ZFHX3: variants seen among roughly 807,000 people sequenced by gnomAD.
ZFHX3 encodes the protein zinc finger homeobox protein 3.
Under a neutral mutation model 279.1 loss-of-function variants are expected in ZFHX3, and 42 were observed. The ratio of observed to expected loss-of-function variants is 0.15; its 90% CI spans 0.12 to 0.19. The LOEUF is 0.19. Among genes scored for constraint, ZFHX3 ranks in the 10% least tolerant of loss-of-function variants. The probability of loss-of-function intolerance (pLI) is 1.00; values close to 1 mark genes in which losing one functional copy is unlikely to be tolerated. For missense variants in ZFHX3, 4,981 were observed against 4,754.0 expected, an observed-to-expected ratio of 1.05 and a Z score of -1.40; for synonymous variants, 2,293 against 1,957.8, an observed-to-expected ratio of 1.17 and a Z score of -4.52.
At chr16:72,829,026 C>T (rs1444536737) in intron 5 of ZFHX3, among the ~76,000 whole-genome samples, 1 of 150,354 alleles carries the variant, frequency 6.7e-6, no homozygotes, top group Non-Finnish European at 1.5e-5. Flanking sequence ...GATAGAGTCT[C>T]ACTCTGTCGC....
At chr16:73,024,009 C>T (rs575351301) in intron 1 of ZFHX3, among the ~76,000 whole-genome samples, 1 of 152,290 alleles carries the variant, frequency 6.6e-6, no homozygotes, top group African/African-American at 2.4e-5. Context: ...AAACAAGGCA[C>T]GTGCAGTATT....
chr16:72,891,380 C>T (rs2038770214), intron 3 of ZFHX3, among the ~76,000 whole-genome samples: 1 of 152,182 alleles, frequency 6.6e-6, no homozygotes, highest in South Asian at 2.1e-4. Flanking sequence ...TGGCAGACCC[C>T]AGGCTTCTGT....
At chr16:72,976,932 A>G (rs1230149158) in intron 1 of ZFHX3, among the ~76,000 whole-genome samples, 1 of 152,204 alleles carries the variant, frequency 6.6e-6, no homozygotes, top group African/African-American at 2.4e-5. Context: ...TTCAGTCCAC[A>G]TGGGAGTCAC....
intron 1 of ZFHX3, among the ~76,000 whole-genome samples, chr16:73,865,812 T>C (rs1962001517): frequency 1.4e-5 from 2 of 146,952 alleles, no homozygotes; most frequent in Admixed American, 6.7e-5. Flanking sequence ...ACCCCATCCC[T>C]ACTAAAAATA....
At chr16:73,853,048 AT>A (rs1961628677) in intron 1 of ZFHX3, among the ~76,000 whole-genome samples, 1 of 152,224 alleles carries the variant, frequency 6.6e-6, no homozygotes, top group Admixed American at 6.5e-5. Context: ...AACAAGAAAC[AT>A]CAGTGGTCAA....
At chr16:73,047,566 T>G (rs1449075161) in intron 1 of ZFHX3, among the ~76,000 whole-genome samples, 186 bp downstream of exon 1, 1 of 152,110 alleles carries the variant, frequency 6.6e-6, no homozygotes, top group Non-Finnish European at 1.5e-5. Flanking sequence ...AGAGCTTTAC[T>G]GTGTGCCCAG....
chr16:73,491,282 T>C (rs1050123727), intron 2 of ZFHX3, among the ~76,000 whole-genome samples: 2 of 152,154 alleles, frequency 1.3e-5, no homozygotes, highest in Admixed American at 1.3e-4. Context: ...AGGACCTGGC[T>C]TTTACCTGTT....
chr16:73,603,297 GAAAGA>G (rs200805063), intron 2 of ZFHX3, among the ~76,000 whole-genome samples: 10 of 149,066 alleles, frequency 6.7e-5, no homozygotes, highest in Admixed American at 2.0e-4. Flanking sequence ...AAAAAAAAAA[GAAAGA>G]AAAGAAAAGA....
At chr16:73,511,548 T>C (rs2019429042) in intron 2 of ZFHX3, among the ~76,000 whole-genome samples, 1 of 152,142 alleles carries the variant, frequency 6.6e-6, no homozygotes. Flanking sequence ...AAATATGGAG[T>C]TGAATGACTT....
intron 1 of ZFHX3, among the ~76,000 whole-genome samples, chr16:73,790,737 A>G (rs915404676): frequency 3.3e-5 from 5 of 152,340 alleles, no homozygotes; most frequent in Non-Finnish European, 5.9e-5. Context: ...CATCCTAACC[A>G]TCATTAGATG....
chr16:73,790,955 C>T (rs1192239985), intron 1 of ZFHX3, among the ~76,000 whole-genome samples: 1 of 152,170 alleles, frequency 6.6e-6, no homozygotes, highest in East Asian at 1.9e-4. Context: ...ACCTTCCACT[C>T]CAACCTCAGG....
intron 4 of ZFHX3, among the ~76,000 whole-genome samples, chr16:73,313,344 T>A (rs575763317): frequency 2.0e-5 from 3 of 152,318 alleles, no homozygotes; most frequent in African/African-American, 7.2e-5. Flanking sequence ...AACAGACGAA[T>A]ACAGCCAGAT....
intron 1 of ZFHX3, among the ~76,000 whole-genome samples, chr16:73,053,584 T>C (rs1965489254): frequency 6.6e-6 from 1 of 151,966 alleles, no homozygotes; most frequent in African/African-American, 2.4e-5. Flanking sequence ...GAAGCTGAGA[T>C]GAATCACTGC....
chr16:73,552,787 T>TA (rs1474170932), intron 2 of ZFHX3, among the ~76,000 whole-genome samples: 8 of 152,274 alleles, frequency 5.3e-5, no homozygotes, highest in Non-Finnish European at 8.8e-5. Context: ...TTTTATGTAT[T>TA]AAAAAAACCT....
intron 1 of ZFHX3, among the ~76,000 whole-genome samples, chr16:73,793,210 G>T (rs1194534922): frequency 3.3e-5 from 5 of 152,184 alleles, no homozygotes; most frequent in African/African-American, 1.2e-4. Flanking sequence ...CTTTCCTTCA[G>T]GGGGAATAAG....
chr16:73,317,506 C>T (rs2015478644), intron 4 of ZFHX3, among the ~76,000 whole-genome samples: 1 of 152,132 alleles, frequency 6.6e-6, no homozygotes, highest in African/African-American at 2.4e-5. Context: ...CGTATTTAAT[C>T]AGCACAGGAG....
chr16:72,982,771 T>A (rs367591249), intron 1 of ZFHX3, among the ~76,000 whole-genome samples: 35 of 151,900 alleles, frequency 2.3e-4, no homozygotes, highest in Non-Finnish European at 4.9e-4. Flanking sequence ...ATCTGAGGAG[T>A]AGCCTGGGTG....
At chr16:73,843,658 A>G (rs1483561842) in intron 1 of ZFHX3, among the ~76,000 whole-genome samples, 1 of 152,244 alleles carries the variant, frequency 6.6e-6, no homozygotes, top group Non-Finnish European at 1.5e-5. Flanking sequence ...TCTGCCTTCA[A>G]TCCCCGCTTC....
At chr16:73,019,371 T>C (rs1398691224) in intron 1 of ZFHX3, among the ~76,000 whole-genome samples, 3 of 150,834 alleles carry the variant, frequency 2.0e-5, no homozygotes, top group African/African-American at 4.9e-5. Context: ...TGTGTGTGCG[T>C]GTGCGTGTGC....
Sources: gnomAD v4.1 joint callset for allele counts (sites outside exome capture counted in the v4.1 genomes callset) on GRCh38, gnomAD v4.1.1 for gene constraint, MANE v1.5 for transcripts, NCBI Gene and HGNC (gene_info 2026-07-23, HGNC 2026-07-21) for gene names.